WDR19: variants seen among roughly 807,000 people sequenced by gnomAD.
The protein encoded by WDR19 is WD repeat-containing protein 19.
In WDR19, 121 loss-of-function variants were observed where a neutral mutation model predicts 180.0. That is an observed-to-expected ratio of 0.67 (90% CI 0.58 to 0.78). The LOEUF (loss-of-function observed/expected upper bound fraction) is 0.78. Among genes scored for constraint, WDR19 ranks in the 30% least tolerant of loss-of-function variants. The pLI is 0.00. For missense variants in WDR19, 1,450 were observed against 1,640.7 expected (o/e 0.88, Z 2.01); for synonymous variants, 497 against 540.7 (o/e 0.92, Z 1.12).
At position 39,270,750 on chromosome 4, in the gene WDR19, T is replaced by G. The variant is rs951296365; in HGVS notation, c.3483+650T>G. 2.0e-5 allele frequency among the ~76,000 whole-genome samples: 3 copies of G among 152,224 alleles called. No homozygotes were observed. The East Asian group carries it at 5.8e-4, about 29-fold the overall frequency. Reference sequence around the variant, plus strand: ...CAGAAAAATAGATTTACTTAAAACATCTTTCTTTATGCAAAACTTGTTAGT... The same window carrying G: ...CAGAAAAATAGATTTACTTAAAACAGCTTTCTTTATGCAAAACTTGTTAGT... On this transcript the variant is annotated intron_variant, in intron 31 of 36. Coordinates refer to ENST00000399820, the MANE Select transcript of WDR19 (RefSeq NM_025132.4).
At chr4:39,257,440 G>C in intron 27 of WDR19, 46 bp from the exon 28 acceptor site, 1 of 1,527,262 alleles carries the variant, frequency 6.5e-7, no homozygotes, top group Non-Finnish European at 8.9e-7. Flanking sequence ...TTTCCCTAAT[G>C]TGAAAACATT....
chr4:39,229,747 T>G (rs1730647881), intron 17 of WDR19, among the ~76,000 whole-genome samples: 1 of 152,166 alleles, frequency 6.6e-6, no homozygotes, highest in Non-Finnish European at 1.5e-5. Context: ...AAGCTGACTC[T>G]AAAATCTGTG....
intron 9 of WDR19, among the ~76,000 whole-genome samples, chr4:39,213,975 A>G (rs1728797838): frequency 6.6e-6 from 1 of 152,238 alleles, no homozygotes; most frequent in Non-Finnish European, 1.5e-5. Flanking sequence ...AAACACTGGA[A>G]GAGAAGAGAA....
At chr4:39,245,529 C>A in intron 24 of WDR19, 77 bp downstream of exon 24, 1 of 1,460,796 alleles carries the variant, frequency 6.8e-7, no homozygotes, top group Non-Finnish European at 9.4e-7. Context: ...ATTTGCAACC[C>A]TGTAAGAAAG....
intron 4 of WDR19, among the ~76,000 whole-genome samples, chr4:39,193,568 G>A (rs533044024): frequency 1.6e-4 from 25 of 151,834 alleles, no homozygotes; most frequent in East Asian, 3.9e-4. Flanking sequence ...ATGATTTTAC[G>A]ACCTTTCACA....
At chr4:39,283,667 CTTT>C (rs1176280672) in intron 36 of WDR19, among the ~76,000 whole-genome samples, 1 of 151,682 alleles carries the variant, frequency 6.6e-6, no homozygotes, top group East Asian at 1.9e-4. Context: ...TATAATTTTT[CTTT>C]AGTTGTGTCT....
intron 9 of WDR19, among the ~76,000 whole-genome samples, chr4:39,211,872 C>T (rs1560497089): frequency 1.3e-5 from 2 of 150,170 alleles, no homozygotes; most frequent in Admixed American, 6.6e-5. Flanking sequence ...AAATTTATAT[C>T]AAAATCCCAG....
At chr4:39,272,205 G>A (rs955776678) in intron 31 of WDR19, among the ~76,000 whole-genome samples, 2 of 152,174 alleles carry the variant, frequency 1.3e-5, no homozygotes, top group African/African-American at 4.8e-5. Context: ...AGGAGTGCAG[G>A]GGGCACAGAA....
intron 20 of WDR19, among the ~76,000 whole-genome samples, chr4:39,239,008 A>G (rs748459995): frequency 6.6e-6 from 1 of 151,986 alleles, no homozygotes; most frequent in Non-Finnish European, 1.5e-5. Flanking sequence ...ATGGAGTCTC[A>G]CTCTGTCACC....
chr4:39,254,843 C>G (rs748808050), intron 26 of WDR19, among the ~76,000 whole-genome samples: 81 of 152,058 alleles, frequency 5.3e-4, no homozygotes, highest in Admixed American at 9.2e-4. Context: ...GTGAATTTGA[C>G]TATTCATGGT....
chr4:39,205,644 A>G lies in WDR19; in HGVS notation c.798A>G (p.Gln266=), dbSNP rs1210144163. ...CTACTCATACTGGAGAGCTTGGTCA[A>G]GAGATATTTCAGGCTCGTAACCATA... is the stretch of plus-strand genomic sequence containing the variant. ...VISTHTGELG[Q]EIFQARNHKD... is the part of the protein sequence containing the mutation. Residue 266 remains glutamine (Q), a synonymous_variant, in exon 9 of 37, where the codon CAA becomes CAG. Coordinates refer to ENST00000399820, the MANE Select transcript of WDR19 (RefSeq NM_025132.4). 1.2e-6 allele frequency: 2 copies of G among 1,613,106 alleles called. No individual in the cohort carries two copies. The highest frequency in any genetic ancestry group is 4.5e-5 in the East Asian group (2 of 44,854).
At chr4:39,251,674 A>C (rs1247742963) in intron 24 of WDR19, among the ~76,000 whole-genome samples, 1 of 152,184 alleles carries the variant, frequency 6.6e-6, no homozygotes, top group Non-Finnish European at 1.5e-5. Context: ...AGAAAAAAAC[A>C]ACCCCATCAA....
chr4:39,205,894 T>C, intron 9 of WDR19, 158 bp downstream of exon 9: 2 of 680,184 alleles, frequency 2.9e-6, no homozygotes, highest in Non-Finnish European at 4.7e-6. Context: ...GGCAAAAATA[T>C]AAAACAAAGT....
chr4:39,274,250 T>C (rs1280428521), intron 32 of WDR19: 3 of 153,008 alleles, frequency 2.0e-5, no homozygotes, highest in Non-Finnish European at 4.4e-5. Flanking sequence ...TTTTTGTTGT[T>C]GTTACATCAA....
rs763856164 is a variant in WDR19, at chr4:39,246,431, G to A, written c.2729+979G>A. ...GTCTATAGCGCCCAGCATGAGCGAC[G>A]CAGAAGACAGGTGATTTCTGCATTT... On this transcript the variant is annotated intron_variant, in intron 24 of 36. Coordinates refer to ENST00000399820, the MANE Select transcript of WDR19 (RefSeq NM_025132.4). 2.8e-4 allele frequency among the ~76,000 whole-genome samples: 43 copies of A among 152,222 alleles called. 1 individual carries two copies. Among genetic ancestry groups the A allele is most frequent in the South Asian group, 4.1e-4 (2 of 4,834 alleles).
chr4:39,231,863 A>G lies in WDR19; in HGVS notation c.2049A>G (p.Arg683=). ...AGGCTGCCTGGAATGAGTTGGCCAG[A>G]GCTTGTCTACATCACATGGAAGTGG... ...NDEAAWNELA[R]ACLHHMEVEF... The change falls in exon 18 of 37, where the codon AGA becomes AGG. Residue 683 remains arginine (R), a synonymous_variant. Coordinates refer to ENST00000399820, the MANE Select transcript of WDR19 (RefSeq NM_025132.4). 6.2e-7 allele frequency: 1 copy of G among 1,612,376 alleles called. No homozygotes were observed. The highest frequency in any genetic ancestry group is 8.5e-7 in the Non-Finnish European group (1 of 1,178,520).
chr4:39,281,226 T>TAGAGAGAGAGAGAGAGAGAG (rs1432490593), intron 36 of WDR19, among the ~76,000 whole-genome samples: 8 of 102,152 alleles, frequency 7.8e-5, no homozygotes, highest in East Asian at 7.2e-4. Flanking sequence ...TATATATATA[T>TAGAGAGAGAGAGAGAGAGAG]ATATATATAT....
intron 5 of WDR19, among the ~76,000 whole-genome samples, chr4:39,197,762 A>T (rs1267042146): frequency 6.6e-6 from 1 of 152,220 alleles, no homozygotes; most frequent in Non-Finnish European, 1.5e-5. Flanking sequence ...CACAGTTCTT[A>T]ACACAAGTCT....
intron 35 of WDR19, 42 bp downstream of exon 35, chr4:39,278,249 G>A (rs1187424580): frequency 4.0e-6 from 6 of 1,507,090 alleles, no homozygotes; most frequent in Non-Finnish European, 5.4e-6. Flanking sequence ...GATTTCTCCC[G>A]ACACAGGCCT....
Sources: gnomAD v4.1 joint callset for allele counts (sites outside exome capture counted in the v4.1 genomes callset) on GRCh38, gnomAD v4.1.1 for gene constraint, MANE v1.5 for transcripts, NCBI Gene and HGNC (gene_info 2026-07-23, HGNC 2026-07-21) for gene names.